ZEB1: variants seen among roughly 807,000 people sequenced by gnomAD.
The protein encoded by ZEB1 is zinc finger E-box-binding homeobox 1.
In ZEB1, 21 loss-of-function variants were observed where a neutral mutation model predicts 84.9. The observed-to-expected ratio is 0.25, with a 90% CI of 0.18 to 0.36. The LOEUF is 0.36. ZEB1 is among the 10% of genes least tolerant of loss of function. The pLI is 1.00. For synonymous variants in ZEB1, 420 were observed against 471.1 expected, an observed-to-expected ratio of 0.89 and a Z score of 1.41; for missense variants, 1,104 against 1,330.2, an observed-to-expected ratio of 0.83 and a Z score of 2.65.
chr10:31,428,006 C>CA (rs1378384538), intron 1 of ZEB1, among the ~76,000 whole-genome samples: 1 of 151,650 alleles, frequency 6.6e-6, no homozygotes, highest in Non-Finnish European at 1.5e-5. Flanking sequence ...TAATTTTTTT[C>CA]AAAAAAACTA....
intron 1 of ZEB1, chr10:31,363,577 T>G (rs763566717): frequency 1.3e-5 from 20 of 1,525,368 alleles, no homozygotes; most frequent in East Asian, 1.2e-4. Flanking sequence ...CTCTGTTGCT[T>G]CTTTGGGCTC....
chr10:31,419,719 T>A (rs1243772637), intron 1 of ZEB1, among the ~76,000 whole-genome samples: 2 of 152,228 alleles, frequency 1.3e-5, no homozygotes, highest in Non-Finnish European at 2.9e-5. Flanking sequence ...ACTTTAGATA[T>A]TTTGAACTGC....
At chr10:31,417,531 A>C (rs2055416576) in intron 1 of ZEB1, among the ~76,000 whole-genome samples, 1 of 152,096 alleles carries the variant, frequency 6.6e-6, no homozygotes, top group Admixed American at 6.6e-5. Flanking sequence ...AAAAGTTCAC[A>C]CCATAAGAAA....
At chr10:31,434,529 C>G (rs1308726440) in intron 1 of ZEB1, among the ~76,000 whole-genome samples, 1 of 152,164 alleles carries the variant, frequency 6.6e-6, no homozygotes, top group Non-Finnish European at 1.5e-5. Context: ...TCAGAATACT[C>G]TGAATTTTAT....
intron 1 of ZEB1, among the ~76,000 whole-genome samples, chr10:31,444,384 GT>G (rs2059478208): frequency 1.3e-5 from 2 of 151,446 alleles, no homozygotes; most frequent in Non-Finnish European, 1.5e-5. Context: ...TCTGATGGTA[GT>G]TTCTTTTGCT....
chr10:31,385,978 A>G (rs1435154215), intron 1 of ZEB1, among the ~76,000 whole-genome samples: 1 of 152,210 alleles, frequency 6.6e-6, no homozygotes, highest in South Asian at 2.1e-4. Context: ...CAAAATGTAC[A>G]TACGAAAATA....
chr10:31,408,332 C>G lies in ZEB1; in HGVS notation c.59-52705C>G, dbSNP rs988485762. Among the ~76,000 whole-genome samples the G allele has an allele frequency of 2.6e-5, 4 of 151,028 alleles. No homozygotes were observed. The South Asian group carries it at 8.4e-4, about 32-fold the overall frequency. ...TGGCCATACTGCCCAAGGTAATTTA[C>G]AGATTCAATGCCATCCCCATCAAGC... On this transcript the variant is annotated intron_variant, in intron 1 of 8. Coordinates refer to ENST00000424869, the MANE Select transcript of ZEB1 (RefSeq NM_001174096.2).
At chr10:31,423,251 A>G (rs1299652129) in intron 1 of ZEB1, among the ~76,000 whole-genome samples, 1 of 152,018 alleles carries the variant, frequency 6.6e-6, no homozygotes, top group Non-Finnish European at 1.5e-5. Context: ...ATGGTCAACC[A>G]TTTTCTATTA....
intron 1 of ZEB1, among the ~76,000 whole-genome samples, chr10:31,391,104 A>C (rs2049588803): frequency 6.6e-6 from 1 of 152,134 alleles, no homozygotes; most frequent in African/African-American, 2.4e-5. Context: ...GGGTGGCATA[A>C]GTTAGCGTTC....
At chr10:31,387,625 G>T (rs1172511017) in intron 1 of ZEB1, 8 of 494,832 alleles carry the variant, frequency 1.6e-5, no homozygotes, top group Non-Finnish European at 2.1e-5. Flanking sequence ...CACCATTTAG[G>T]CAATCTAGTG....
At chr10:31,472,886 A>G (rs1223360701) in intron 2 of ZEB1, among the ~76,000 whole-genome samples, 2 of 127,030 alleles carry the variant, frequency 1.6e-5, no homozygotes, top group East Asian at 4.2e-4. Flanking sequence ...CATCCCTGGG[A>G]TGCAAGGCTG....
At chr10:31,410,263 T>A (rs781353762) in intron 1 of ZEB1, among the ~76,000 whole-genome samples, 2 of 152,214 alleles carry the variant, frequency 1.3e-5, no homozygotes, top group Non-Finnish European at 2.9e-5. Context: ...TCTATTGAGA[T>A]AATTATGTCG....
At chr10:31,318,944 T>G, upstream of ZEB1, 1 of 480,962 alleles carries the variant, frequency 2.1e-6, no homozygotes, top group Non-Finnish European at 3.8e-6. Context: ...TCCCTACGGT[T>G]TCCCGGCATC....
At chr10:31,363,160 T>G in intron 1 of ZEB1, 1 of 1,533,794 alleles carries the variant, frequency 6.5e-7, no homozygotes, top group Non-Finnish European at 8.7e-7. Flanking sequence ...CTGCATGTCC[T>G]CCCCCACCAT....
chr10:31,384,944 T>C (rs2048354183), intron 1 of ZEB1, among the ~76,000 whole-genome samples: 1 of 152,190 alleles, frequency 6.6e-6, no homozygotes, highest in Non-Finnish European at 1.5e-5. Flanking sequence ...CTTAGTACTT[T>C]GTAACTGTTT....
chr10:31,365,112 G>T (rs1296642546), intron 1 of ZEB1, among the ~76,000 whole-genome samples: 4 of 152,210 alleles, frequency 2.6e-5, no homozygotes, highest in Admixed American at 2.6e-4. Flanking sequence ...TGTCCTAAAA[G>T]AAATTTGCCA....
chr10:31,363,242 A>G, intron 1 of ZEB1: 1 of 1,533,930 alleles, frequency 6.5e-7, no homozygotes, highest in Non-Finnish European at 8.7e-7. Flanking sequence ...GGCCACAGGG[A>G]GCAGCCCGGA....
intron 1 of ZEB1, chr10:31,319,546 C>T (rs1187991736): frequency 3.8e-6 from 2 of 521,856 alleles, no homozygotes; most frequent in South Asian, 2.4e-5. Flanking sequence ...GCTCCCGCCG[C>T]CCCTGCCGCC....
chr10:31,456,733 A>T (rs1023426597), intron 1 of ZEB1, among the ~76,000 whole-genome samples: 3 of 152,098 alleles, frequency 2.0e-5, no homozygotes, highest in Non-Finnish European at 4.4e-5. Context: ...TGTCAGAGGG[A>T]TATATAATAA....
Sources: gnomAD v4.1 joint callset for allele counts (sites outside exome capture counted in the v4.1 genomes callset) on GRCh38, gnomAD v4.1.1 for gene constraint, MANE v1.5 for transcripts, NCBI Gene and HGNC (gene_info 2026-07-23, HGNC 2026-07-21) for gene names.